Variants in ADAMTSL1 observed in about 807,000 individuals in gnomAD.
ADAMTSL1 encodes ADAMTS like 1.
ADAMTSL1 carries 126 observed loss-of-function variants against 201.8 expected under a neutral mutation model. The ratio of observed to expected loss-of-function variants is 0.62; its 90% CI spans 0.54 to 0.72. The LOEUF is 0.72. Ranked by LOEUF, ADAMTSL1 falls within the 30% of genes least tolerant of loss-of-function variation. The pLI, the probability that ADAMTSL1 is intolerant of heterozygous loss-of-function variation, is 0.00. For missense variants in ADAMTSL1, 2,679 were observed against 2,277.8 expected (o/e 1.18, Z -3.59); for synonymous variants, 1,121 against 903.4 (o/e 1.24, Z -4.32).
intron 3 of ADAMTSL1, among the ~76,000 whole-genome samples, chr9:18,559,531 C>G (rs1821335670): frequency 6.6e-6 from 1 of 152,020 alleles, no homozygotes; most frequent in South Asian, 2.1e-4. Flanking sequence ...TAGTTTTTTT[C>G]TAATTCTGTG....
chr9:18,594,447 C>G (rs1476721482), intron 4 of ADAMTSL1, among the ~76,000 whole-genome samples: 1 of 152,154 alleles, frequency 6.6e-6, no homozygotes, highest in Non-Finnish European at 1.5e-5. Context: ...CCCTCTTTAA[C>G]ACCAGTAACT....
chr9:18,033,675 C>A (rs145884733), intron 1 of ADAMTSL1, among the ~76,000 whole-genome samples: 2 of 152,186 alleles, frequency 1.3e-5, no homozygotes, highest in African/African-American at 4.8e-5. Flanking sequence ...TTTAAGACAA[C>A]CAAGTTTCAT....
At chr9:18,711,372 C>A (rs1832581249) in intron 14 of ADAMTSL1, among the ~76,000 whole-genome samples, 1 of 152,202 alleles carries the variant, frequency 6.6e-6, no homozygotes, top group Admixed American at 6.5e-5. Context: ...ACAGTGGGCG[C>A]AGGTCAGTGG....
intron 2 of ADAMTSL1, among the ~76,000 whole-genome samples, chr9:18,441,572 G>T (rs1466797322): frequency 6.6e-6 from 1 of 152,168 alleles, no homozygotes; most frequent in East Asian, 1.9e-4. Flanking sequence ...GGAAGGAAAA[G>T]AATTCACTAC....
intron 2 of ADAMTSL1, among the ~76,000 whole-genome samples, chr9:18,173,022 G>C (rs1203048369): frequency 6.6e-6 from 1 of 152,058 alleles, no homozygotes; most frequent in Non-Finnish European, 1.5e-5. Context: ...GCTATGCATA[G>C]TACACTTTAG....
At chr9:18,471,572 T>C (rs191059838), upstream of ADAMTSL1, among the ~76,000 whole-genome samples, 4 of 152,336 alleles carry the variant, frequency 2.6e-5, no homozygotes, top group African/African-American at 9.6e-5. Context: ...TTAACCCAAC[T>C]TGATTTTGTT....
intron 1 of ADAMTSL1, among the ~76,000 whole-genome samples, chr9:18,502,615 C>T (rs927506036): frequency 6.6e-6 from 1 of 152,150 alleles, no homozygotes. Flanking sequence ...AAAAACCAGG[C>T]TTTGGAGCTC....
intron 1 of ADAMTSL1, 58 bp downstream of exon 1, chr9:18,474,353 G>C (rs931231763): frequency 1.3e-6 from 2 of 1,560,556 alleles, no homozygotes; most frequent in Non-Finnish European, 1.8e-6. Context: ...GTGCTGTTGG[G>C]GGTGTGTGTG....
chr9:17,957,952 G>A (rs1347581426), intron 1 of ADAMTSL1, among the ~76,000 whole-genome samples: 1 of 152,110 alleles, frequency 6.6e-6, no homozygotes, highest in Non-Finnish European at 1.5e-5. Flanking sequence ...TCCATGACTG[G>A]GAGAGAATAA....
intron 4 of ADAMTSL1, among the ~76,000 whole-genome samples, chr9:18,597,233 C>T (rs1285457616): frequency 6.6e-6 from 1 of 152,110 alleles, no homozygotes; most frequent in Non-Finnish European, 1.5e-5. Flanking sequence ...ATATTTGTGC[C>T]TTGCTCTCAT....
At chr9:18,674,004 A>G (rs1829981977) in intron 9 of ADAMTSL1, among the ~76,000 whole-genome samples, 2 of 152,094 alleles carry the variant, frequency 1.3e-5, no homozygotes, top group South Asian at 4.2e-4. Context: ...AACATGAGGA[A>G]CGATTGAGCT....
At chr9:18,717,076 G>T (rs1347402500) in intron 14 of ADAMTSL1, among the ~76,000 whole-genome samples, 1 of 145,424 alleles carries the variant, frequency 6.9e-6, no homozygotes, top group Non-Finnish European at 1.5e-5. Context: ...CACACTCTGG[G>T]GACTGTGGTG....
chr9:18,379,147 G>A (rs188183147), intron 2 of ADAMTSL1, among the ~76,000 whole-genome samples: 4 of 152,286 alleles, frequency 2.6e-5, no homozygotes, highest in Admixed American at 2.6e-4. Context: ...AAAATTATAG[G>A]AGGCCATCGT....
intron 15 of ADAMTSL1, among the ~76,000 whole-genome samples, chr9:18,738,732 A>T (rs1390162755): frequency 1.3e-5 from 2 of 152,236 alleles, no homozygotes; most frequent in Non-Finnish European, 2.9e-5. Context: ...ACAATGAAAT[A>T]TTGTAAATGT....
chr9:18,526,454 G>T (rs1819056698), intron 2 of ADAMTSL1, among the ~76,000 whole-genome samples: 1 of 152,136 alleles, frequency 6.6e-6, no homozygotes, highest in Non-Finnish European at 1.5e-5. Flanking sequence ...GGTTAATATT[G>T]TTATGTGTGA....
intron 2 of ADAMTSL1, among the ~76,000 whole-genome samples, chr9:18,300,007 TTGG>T (rs1220066455): frequency 2.0e-5 from 3 of 152,200 alleles, no homozygotes; most frequent in Non-Finnish European, 4.4e-5. Flanking sequence ...TTTTACACTA[TTGG>T]TGGGAGTGTA....
At chr9:17,989,640 A>AT (rs1411267387) in intron 1 of ADAMTSL1, among the ~76,000 whole-genome samples, 45 of 152,124 alleles carry the variant, frequency 3.0e-4, no homozygotes, top group African/African-American at 1.1e-3. Flanking sequence ...TTAATTGAGA[A>AT]TACTCCCTTT....
chr9:18,827,184 T>C (rs940296279), intron 22 of ADAMTSL1, among the ~76,000 whole-genome samples: 12 of 151,998 alleles, frequency 7.9e-5, no homozygotes, highest in Admixed American at 5.9e-4. Flanking sequence ...AAAATTTTTT[T>C]TGGCTTTCTC....
At chr9:18,303,749 A>G (rs1031239368) in intron 2 of ADAMTSL1, among the ~76,000 whole-genome samples, 6 of 152,206 alleles carry the variant, frequency 3.9e-5, no homozygotes, top group African/African-American at 1.2e-4. Context: ...TCTAATGAGG[A>G]GAAGGGTGAT....
Sources: gnomAD v4.1 joint callset for allele counts (sites outside exome capture counted in the v4.1 genomes callset) on GRCh38, gnomAD v4.1.1 for gene constraint, MANE v1.5 for transcripts, NCBI Gene and HGNC (gene_info 2026-07-23, HGNC 2026-07-21) for gene names.